The following MUC4 variants were observed in gnomAD, a reference collection of about 807,000 sequenced individuals.
The protein encoded by MUC4 is mucin-4.
MUC4 carries 202 observed loss-of-function variants against 257.9 expected under a neutral mutation model. That is an observed-to-expected ratio of 0.78 (90% confidence interval 0.70 to 0.88). The LOEUF is 0.88. MUC4 is among the 40% of genes least tolerant of loss of function. The pLI, the probability that MUC4 is intolerant of heterozygous loss-of-function variation, is 0.00. For missense variants in MUC4, 5,976 were observed against 6,513.7 expected (o/e 0.92, Z 2.84); for synonymous variants, 2,351 against 2,757.1 (o/e 0.85, Z 4.62).
Position 195,750,970 on chromosome 3 carries a change from C to A in MUC4, c.15790G>T (p.Val5264Phe). The A allele has an allele frequency of 6.2e-7, 1 of 1,613,984 alleles. No individual in the cohort carries two copies. Among genetic ancestry groups the A allele is most frequent in the Non-Finnish European group, 8.5e-7 (1 of 1,180,002 alleles). Residue 5264 changes from valine (V) to phenylalanine (F), a missense_variant, in exon 23 of 25, where the codon GTT (valine) becomes TTT (phenylalanine). Transcript: ENST00000463781. ...AAVVEAFLYH[V>F]PRRSEEPRND... ...CTGGGCTCCTCACTCCTCCGTGGAA[C>A]GTGGTATAAGAACGCCTCCACCACC...
In MUC4 at chr3:195,791,208, G is replaced by A. The variant is rs759164985; in HGVS notation, c.372C>T (p.Pro124=). 9.9e-6 allele frequency: 16 copies of A among 1,613,050 alleles called. No homozygotes were observed. In the South Asian group the frequency reaches 1.6e-4, roughly 17 times the overall value. ...TCATGAGTGTGTTGGTGACACTGGA[G>A]GGAAATGATGTGGTCATTTCATCTG... The part of the protein sequence containing the change: ...APPDEMTTSF[P]SSVTNTLMMT... Residue 124 remains proline (P), a synonymous_variant, in exon 2 of 25, where the codon CCC becomes CCT. Transcript: ENST00000463781.
At chr3:195,769,775 G>C (rs1722392534) in intron 6 of MUC4, 1 of 168,534 alleles carries the variant, frequency 5.9e-6, no homozygotes, top group Non-Finnish European at 1.3e-5. Flanking sequence ...AGAGCCAGAG[G>C]CTGGAGTCAG....
Position 195,750,938 on chromosome 3 carries a change from G to A in MUC4, c.15822C>T (p.Asp5274=), listed in dbSNP as rs780865770. Residue 5274 remains aspartate, a synonymous_variant, in exon 23 of 25, where the codon GAC becomes GAT. Transcript: ENST00000463781. ...VPRRSEEPRN[D]VVFQPISGED... is the part of the protein sequence containing the mutation. ...CCCCGGAGATGGGCTGGAAGACCAC[G>A]TCGTTCCTGGGCTCCTCACTCCTCC... 21 of 1,613,938 alleles carry A rather than the reference G, an allele frequency of 1.3e-5. No homozygotes were observed. The highest frequency in any genetic ancestry group is 1.5e-5 in the Non-Finnish European group (18 of 1,180,028).
In MUC4 at chr3:195,791,331, C is replaced by G; in HGVS notation, c.249G>C (p.Glu83Asp). The change falls in exon 2 of 25, where the codon GAG (glutamate) becomes GAC (aspartate). Residue 83 changes from glutamate to aspartate, a missense_variant. Physicochemically the swap from Glu to Asp is conservative, Grantham distance 45. Around this residue, in one of 44 missense-constraint regions of MUC4, gnomAD observed 1,583 missense variants for 1,257.4 expected, o/e 1.26. Transcript: ENST00000463781. The part of the protein sequence containing the change: ...SSQNHQTKST[E>D]TTSKAQTDTL... Reference sequence around the variant, plus strand: ...TGTCGGTTTGAGCTTTGCTGGTGGTCTCCGTGCTCTTAGTCTGGTGGTTCT... The same window carrying G: ...TGTCGGTTTGAGCTTTGCTGGTGGTGTCCGTGCTCTTAGTCTGGTGGTTCT... The G allele has an allele frequency of 6.2e-7, 1 of 1,613,886 alleles. No homozygotes were observed. Among genetic ancestry groups the G allele is most frequent in the Non-Finnish European group, 8.5e-7 (1 of 1,179,890 alleles).
At chr3:195,768,764 T>C (rs1287899462) in intron 7 of MUC4, among the ~76,000 whole-genome samples, 1 of 152,124 alleles carries the variant, frequency 6.6e-6, no homozygotes, top group African/African-American at 2.4e-5. Context: ...TCAGTGGAAA[T>C]CAGGGAAGCC....
At chr3:195,804,361 CACAGGTGTGCCGAGGTG>C (rs913629391) in intron 1 of MUC4, among the ~76,000 whole-genome samples, 1 of 152,212 alleles carries the variant, frequency 6.6e-6, no homozygotes, top group African/African-American at 2.4e-5. Context: ...CTGGTGACTC[CACAGGTGTGCCGAGGTG>C]ACAGGTGTGC....
rs1284407929 is a variant in MUC4 at position 195,747,166 on chromosome 3, A to C, written c.*10T>G. 20 of 1,614,230 alleles carry C rather than the reference A, an allele frequency of 1.2e-5. No homozygotes were observed. Among genetic ancestry groups the C allele is most frequent in the Non-Finnish European group, 1.7e-5 (20 of 1,180,016 alleles). ...TGAGTCTTGAGGTAGCCTAGGCCAC[A>C]GCTGCCCCTTCAAGGCAAGGCCTCA... On this transcript the variant is annotated 3_prime_UTR_variant, in exon 25 of 25. Transcript: ENST00000463781.
chr3:195,806,798 A>G (rs1320899837), intron 1 of MUC4, among the ~76,000 whole-genome samples: 2 of 152,240 alleles, frequency 1.3e-5, no homozygotes, highest in Non-Finnish European at 2.9e-5. Flanking sequence ...CACTTAACTT[A>G]GAGAGCTTTG....
At chr3:195,806,852 C>T (rs1736052247) in intron 1 of MUC4, among the ~76,000 whole-genome samples, 1 of 152,234 alleles carries the variant, frequency 6.6e-6, no homozygotes, top group Admixed American at 6.5e-5. Flanking sequence ...TCCAGAGCAG[C>T]TGGCATGAGT....
chr3:195,797,940 T>C (rs1277258301), intron 1 of MUC4, among the ~76,000 whole-genome samples: 7 of 151,934 alleles, frequency 4.6e-5, no homozygotes, highest in Non-Finnish European at 8.8e-5. Flanking sequence ...ATCCTGTCTC[T>C]ACAGAAATAA....
chr3:195,753,543 C>T (rs12630536), intron 19 of MUC4: 151,276 of 454,106 alleles, frequency 0.33, 27,896 homozygotes, highest in East Asian at 0.67. Flanking sequence ...TCCCCTCTCA[C>T]GTCCATCTCC....
rs779152863 is a variant in MUC4 at position 195,751,256 on chromosome 3, C to T, written c.15598G>A (p.Gly5200Arg). ...EVNASVAYRL[G>R]TLDMRAFLRN... The stretch of plus-strand genomic sequence containing the variant: ...AGAAAGGCCCGCATGTCCAGGGTCC[C>T]CAGTCTGTATGCCACCTAGGTTAGA... The change falls in exon 22 of 25, where the codon GGG becomes AGG. Residue 5200 changes from glycine to arginine, a missense_variant. Gly to Arg is a moderately radical substitution (Grantham distance 125, BLOSUM62 -2). This residue lies in a region of MUC4 where 996 missense variants were observed against 1,137.3 expected (regional missense o/e 0.88). Coordinates refer to ENST00000463781, the MANE Select transcript of MUC4 (RefSeq NM_018406.7). 22 of 1,606,800 alleles carry T rather than the reference C, an allele frequency of 1.4e-5. No homozygotes were observed. Among genetic ancestry groups the T allele is most frequent in the Non-Finnish European group, 1.8e-5 (21 of 1,177,112 alleles).
At chr3:195,808,879 A>G (rs1430131728) in intron 1 of MUC4, among the ~76,000 whole-genome samples, 3 of 152,104 alleles carry the variant, frequency 2.0e-5, no homozygotes, top group Middle Eastern at 3.2e-3. Context: ...CCTGTCCCAG[A>G]CTGACAGATA....
chr3:195,762,734 C>A, intron 13 of MUC4, 121 bp downstream of exon 13: 1 of 919,412 alleles, frequency 1.1e-6, no homozygotes, highest in Admixed American at 4.2e-5. Context: ...GCGCCCGGCC[C>A]TGCACCACAA....
chr3:195,762,636 G>A lies in MUC4; in HGVS notation c.14344+219C>T, dbSNP rs1469858859. On this transcript the variant is annotated intron_variant, in intron 13 of 24. Transcript: ENST00000463781. ...CACGCACCCGGCCCTGCACCGCCAC[G>A]CACCGGGCCCTGCACCGCCACGCAC... is the stretch of plus-strand genomic sequence containing the variant. 4.8e-4 allele frequency among the ~76,000 whole-genome samples: 66 copies of A among 136,352 alleles called. 1 individual carries two copies. The highest frequency in any genetic ancestry group is 1.7e-3 in the African/African-American group (59 of 34,400). The allele number at this position is 136,352 out of a possible 152,430, so 89.5% of individuals were successfully genotyped here. A position where few individuals can be genotyped will look rare whatever the true frequency, so the allele number is the denominator to read the frequency against.
Position 195,771,670 on chromosome 3 carries a change from C to T in MUC4, c.13224G>A (p.Arg4408=). The T allele has an allele frequency of 2.5e-6, 4 of 1,613,800 alleles. No homozygotes were observed. Among genetic ancestry groups the T allele is most frequent in the Non-Finnish European group, 3.4e-6 (4 of 1,179,778 alleles). Residue 4408 remains arginine (R), a synonymous_variant, in exon 5 of 25, where the codon CGG becomes CGA. Transcript: ENST00000463781. The stretch of plus-strand genomic sequence containing the variant: ...GGCTCACCTGATAAAATGTGGTCCC[C>T]CGACCAGTGGAGAAGTCAGCATCGT... ...FWDDADFSTG[R]GTTFYQEYET...
Position 195,787,005 on chromosome 3 carries a change from G to A in MUC4, c.4575C>T (p.Ser1525=). The change falls in exon 2 of 25, where the codon AGC becomes AGT. Residue 1525 remains serine (S), a synonymous_variant. Coordinates refer to ENST00000463781, the MANE Select transcript of MUC4 (RefSeq NM_018406.7). ...TGHATPLPVT[S]LSSASTGDTM... is the part of the protein sequence containing the mutation. ...TGTCACCTGTGGATGCTGAGGAAAG[G>A]CTGGTGACAGGAAGAGGGGTGGCGT... The A allele has an allele frequency of 6.8e-7, 1 of 1,467,550 alleles. No homozygotes were observed. Among genetic ancestry groups the A allele is most frequent in the Non-Finnish European group, 9.1e-7 (1 of 1,098,778 alleles). The allele number at this position is 1,467,550 out of a possible 1,614,324, so 90.9% of individuals were successfully genotyped here. A position where few individuals can be genotyped will look rare whatever the true frequency, so the allele number is the denominator to read the frequency against.
In MUC4 at chr3:195,762,172, G is replaced by A. The variant is rs1014942912; in HGVS notation, c.14427C>T (p.Thr4809=). Residue 4809 remains threonine, a synonymous_variant, in exon 14 of 25, where the codon ACC becomes ACT. Coordinates refer to ENST00000463781, the MANE Select transcript of MUC4 (RefSeq NM_018406.7). ...EVSASFDGWA[T]VSVIALSNIL... is the part of the protein sequence containing the mutation. ...TGTTGGAGAGCGCGATCACCGAGAC[G>A]GTGGCCCAGCCGTCGAAGCTGGCCG... is the stretch of plus-strand genomic sequence containing the variant. 21 of 1,606,980 alleles carry A rather than the reference G, an allele frequency of 1.3e-5. No homozygotes were observed. In the African/African-American group the frequency reaches 1.7e-4, roughly 13 times the overall value.
In MUC4 at chr3:195,752,422, A is replaced by G; in HGVS notation, c.15533T>C (p.Leu5178Pro). Residue 5178 changes from leucine to proline, a missense_variant, in exon 21 of 25, where the codon CTC (leucine) becomes CCC (proline). Leu to Pro is a moderately conservative substitution (Grantham distance 98). Transcript: ENST00000463781. ...NLELPLRVIQ[L>P]LLSEEENASM... is the part of the protein sequence containing the mutation. The stretch of plus-strand genomic sequence containing the variant: ...GGCATTTTCCTCTTCACTGAGCAAG[A>G]GCTGGATGACTCTTAAGGGAAGTTC... The G allele has an allele frequency of 1.9e-6, 3 of 1,614,060 alleles. No homozygotes were observed. The highest frequency in any genetic ancestry group is 2.5e-6 in the Non-Finnish European group (3 of 1,179,864).
Sources: gnomAD v4.1 joint callset for allele counts (sites outside exome capture counted in the v4.1 genomes callset) on GRCh38, gnomAD v4.1.1 for gene constraint, gnomAD v4.1.1 regional missense constraint, MANE v1.5 for transcripts, NCBI Gene and HGNC (gene_info 2026-07-23, HGNC 2026-07-21) for gene names.